The following OVCH2 variants were observed in gnomAD, a reference collection of about 807,000 sequenced individuals.
OVCH2 encodes the protein ovochymase-2.
A neutral mutation model predicts 73.7 loss-of-function variants in OVCH2; 88 were observed. That is an observed-to-expected ratio of 1.19 (90% CI 1.01 to 1.43). The LOEUF is 1.43. OVCH2 is among the 40% of genes most tolerant of loss of function. The pLI is 0.00. For missense variants in OVCH2, 706 were observed against 674.5 expected, an observed-to-expected ratio of 1.05 and a Z score of -0.52; for synonymous variants, 265 against 234.5, an observed-to-expected ratio of 1.13 and a Z score of -1.19.
At chr11:7,684,992 A>G (rs144960027), downstream of OVCH2, among the ~76,000 whole-genome samples, 8 of 152,342 alleles carry the variant, frequency 5.3e-5, no homozygotes, top group African/African-American at 1.9e-4. Flanking sequence ...CAAAACTGAA[A>G]AAATAGTTTC....
chr11:7,702,484 A>C (rs925555785), intron 3 of OVCH2, among the ~76,000 whole-genome samples, 155 bp from the exon 4 acceptor site: 1 of 152,242 alleles, frequency 6.6e-6, no homozygotes, highest in African/African-American at 2.4e-5. Flanking sequence ...CAACACTGTT[A>C]GAAAAAAATG....
downstream of OVCH2, among the ~76,000 whole-genome samples, chr11:7,686,668 C>T (rs1032781762): frequency 6.6e-6 from 1 of 152,176 alleles, no homozygotes; most frequent in Non-Finnish European, 1.5e-5. Context: ...AAATCAAAAT[C>T]CTGAAACTAA....
chr11:7,694,063 C>G (rs1443324162), intron 12 of OVCH2, among the ~76,000 whole-genome samples: 4 of 152,206 alleles, frequency 2.6e-5, no homozygotes. Context: ...TTCTTTCCAT[C>G]TCTTAAGTGA....
intron 12 of OVCH2, among the ~76,000 whole-genome samples, chr11:7,694,743 C>G (rs1409992026): frequency 1.3e-5 from 2 of 149,738 alleles, no homozygotes; most frequent in African/African-American, 4.9e-5. Flanking sequence ...TCCCGAGTAG[C>G]TGGGATTACA....
rs4503519 is a variant in OVCH2, at chr11:7,689,646, C to T, written c.*32-44G>A. On this transcript the variant is annotated intron_variant, in intron 15 of 15. Transcript: ENST00000533663. ...CCCAACCTCTGCCTTCATCATTACA[C>T]GATATTCTCCCTGTGTGTGTATGTC... 0.57 allele frequency: 294,942 copies of T among 520,540 alleles called. 88,251 individuals carry two copies. Among genetic ancestry groups the T allele is most frequent in the Non-Finnish European group, 0.64 (171,638 of 269,418 alleles). The allele number at this position is 520,540 out of a possible 1,614,324, so 32.2% of individuals were successfully genotyped here. A position where few individuals can be genotyped will look rare whatever the true frequency, so the allele number is the denominator to read the frequency against.
Position 7,700,478 on chromosome 11 carries a change from G to C in OVCH2, c.719C>G (p.Ser240Ter), listed in dbSNP as rs749818197. 10 of 1,602,286 alleles carry C rather than the reference G, an allele frequency of 6.2e-6. No individual in the cohort carries two copies. The highest frequency in any genetic ancestry group is 1.7e-4 in the Middle Eastern group (1 of 6,040). Residue 240 changes from serine (S) to a stop codon, truncating the protein, a stop_gained, in exon 7 of 16, where the codon TCA (serine) becomes TGA (stop). Transcript: ENST00000533663. LOFTEE classifies it high-confidence loss of function. ...ATTCCGGCACATGAGTGAACCTCCT[G>C]AATCTCCCTGCAGAGGGAAAAAGCC... ...DGGRDACQGDSGGSLMCRNKK... is the reference protein window; with the variant it reads ...DGGRDACQGD
chr11:7,689,059 T>C (rs1034461085), downstream of OVCH2, among the ~76,000 whole-genome samples: 7 of 152,238 alleles, frequency 4.6e-5, no homozygotes, highest in Non-Finnish European at 7.3e-5. Flanking sequence ...ATATGTCAGC[T>C]TAGCTAGGTG....
chr11:7,684,189 G>A, the OVCH2 span, among the ~76,000 whole-genome samples: 3 of 152,066 alleles, frequency 2.0e-5, no homozygotes, highest in South Asian at 6.2e-4. Flanking sequence ...GACCTTTCTT[G>A]ACCATCAAAA....
chr11:7,696,835 T>C (rs930753864), intron 8 of OVCH2, 36 bp from the exon 9 acceptor site: 25 of 1,571,124 alleles, frequency 1.6e-5, no homozygotes, highest in Admixed American at 1.9e-5. Flanking sequence ...GGGTTAGTTA[T>C]GCCAGTTAAC....
chr11:7,706,247 G>A lies in OVCH2; in HGVS notation c.88+60C>T. On this transcript the variant is annotated intron_variant, in intron 1 of 15. Transcript: ENST00000533663. ...AAGGAACATGGAGTCTCGGAGTTGT[G>A]ACGTCCATTGCCAGCAAAGGTTCAG... The A allele has an allele frequency of 3.4e-6, 5 of 1,459,078 alleles. No individual in the cohort carries two copies. The South Asian group carries it at 6.5e-5, about 19-fold the overall frequency. 90.4% of individuals were successfully genotyped at this position (1,459,078 alleles called of 1,614,324 possible). A position where few individuals can be genotyped will look rare whatever the true frequency, so the allele number is the denominator to read the frequency against.
chr11:7,698,634 T>G, intron 8 of OVCH2, 116 bp downstream of exon 8: 1 of 1,085,656 alleles, frequency 9.2e-7, no homozygotes, highest in Non-Finnish European at 1.3e-6. Flanking sequence ...CAGGTGGTAG[T>G]TTTAGACCTA....
At chr11:7,683,658 C>T in the OVCH2 span, among the ~76,000 whole-genome samples, 5 of 152,186 alleles carry the variant, frequency 3.3e-5, no homozygotes, top group African/African-American at 1.2e-4. Context: ...TAGCCCATAA[C>T]ATCCTACACA....
At chr11:7,700,202 G>C in intron 7 of OVCH2, 94 bp downstream of exon 7, 5 of 1,233,290 alleles carry the variant, frequency 4.1e-6, no homozygotes, top group Non-Finnish European at 5.7e-6. Flanking sequence ...AGAGCCTGTT[G>C]GTTCAGGTGC....
intron 8 of OVCH2, among the ~76,000 whole-genome samples, chr11:7,697,560 A>T (rs1565168921): frequency 2.0e-5 from 3 of 152,194 alleles, no homozygotes; most frequent in Admixed American, 2.0e-4. Flanking sequence ...TATAAATAGA[A>T]TTCCTTGGGT....
chr11:7,701,249 T>C (rs1856431244), intron 6 of OVCH2, 75 bp downstream of exon 6: 1 of 1,491,392 alleles, frequency 6.7e-7, no homozygotes, highest in Non-Finnish European at 8.9e-7. Context: ...TTCACTGAAA[T>C]TTAAGAAAAC....
chr11:7,696,068 T>G (rs1012742395), intron 10 of OVCH2, among the ~76,000 whole-genome samples: 23 of 152,210 alleles, frequency 1.5e-4, no homozygotes, highest in Admixed American at 2.0e-4. Flanking sequence ...GTAAGTAACC[T>G]GTCTCCTTCT....
intron 5 of OVCH2, 104 bp downstream of exon 5, chr11:7,701,612 G>A (rs1044270833): frequency 2.7e-6 from 4 of 1,457,908 alleles, no homozygotes; most frequent in African/African-American, 3.0e-5. Context: ...CTTTAGAAAT[G>A]TATGCACAAT....
downstream of OVCH2, among the ~76,000 whole-genome samples, chr11:7,687,194 G>A (rs887044048): frequency 5.3e-5 from 8 of 151,964 alleles, no homozygotes; most frequent in Non-Finnish European, 8.8e-5. Flanking sequence ...TCATACAGAT[G>A]AAAAGAAAGG....
At chr11:7,704,181 G>T (rs774884592) in intron 2 of OVCH2, among the ~76,000 whole-genome samples, 1 of 152,116 alleles carries the variant, frequency 6.6e-6, no homozygotes, top group Non-Finnish European at 1.5e-5. Context: ...TGGAAGAAAG[G>T]CAAGGTGAGG....
Sources: gnomAD v4.1 joint callset for allele counts (sites outside exome capture counted in the v4.1 genomes callset) on GRCh38, gnomAD v4.1.1 for gene constraint, MANE v1.5 for transcripts, NCBI Gene and HGNC (gene_info 2026-07-23, HGNC 2026-07-21) for gene names.